ERP27: variants seen among roughly 807,000 people sequenced by gnomAD.
ERP27 encodes the protein endoplasmic reticulum resident protein 27.
In ERP27, 23 loss-of-function variants were observed where a neutral mutation model predicts 27.7. That is an observed-to-expected ratio of 0.83 (90% confidence interval 0.60 to 1.18). ERP27 has a LOEUF of 1.18. Among genes scored for constraint, ERP27 ranks in the 50% most tolerant of loss-of-function variants. The pLI is 0.00. For missense variants in ERP27, 363 were observed against 327.9 expected, an observed-to-expected ratio of 1.11 and a Z score of -0.83; for synonymous variants, 159 against 118.3, an observed-to-expected ratio of 1.34 and a Z score of -2.23.
intron 3 of ERP27, chr12:14,929,244 T>A: frequency 1.2e-6 from 1 of 813,722 alleles, no homozygotes; most frequent in Non-Finnish European, 1.7e-6. Flanking sequence ...AAGAATGCAC[T>A]AAATTGGAGG....
At chr12:14,928,696 G>A (rs930665987) in intron 3 of ERP27, among the ~76,000 whole-genome samples, 11 of 152,134 alleles carry the variant, frequency 7.2e-5, no homozygotes, top group African/African-American at 2.7e-4. Context: ...CAAAACCACA[G>A]GGTAAAAATG....
rs1565455262 is a variant in ERP27 at position 14,938,047 on chromosome 12, G to A, written c.100C>T (p.Pro34Ser). The A allele has an allele frequency of 1.2e-6, 2 of 1,613,582 alleles. No homozygotes were observed. Among genetic ancestry groups the A allele is most frequent in the African/African-American group, 2.7e-5 (2 of 74,908 alleles). ...CACGTGGGTTCCTGGGCAGCACCAG[G>A]ACCATCTAGAGAGAGAAGCAGAAGA... ...AAEVEKSSDG[P>S]GAAQEPTWLT... The change falls in exon 2 of 7, where the codon CCT (proline) becomes TCT (serine). Residue 34 changes from proline (P) to serine (S), a missense_variant. By Grantham distance (74) the Pro-to-Ser change is moderately conservative. Transcript: ENST00000266397.
intron 6 of ERP27, 75 bp downstream of exon 6, chr12:14,915,414 A>G: frequency 6.6e-7 from 1 of 1,523,468 alleles, no homozygotes; most frequent in Non-Finnish European, 9.0e-7. Flanking sequence ...CTGAGCCCAA[A>G]GAATTCTTAT....
chr12:14,929,482 TG>T (rs1381295163), intron 3 of ERP27, among the ~76,000 whole-genome samples: 1 of 152,216 alleles, frequency 6.6e-6, no homozygotes, highest in African/African-American at 2.4e-5. Context: ...CATAATGCAC[TG>T]GAAAGAAAAT....
intron 3 of ERP27, among the ~76,000 whole-genome samples, chr12:14,934,341 A>G (rs532900214): frequency 2.0e-5 from 3 of 152,232 alleles, no homozygotes; most frequent in East Asian, 3.9e-4. Flanking sequence ...TATTATAGAT[A>G]CTTGCATATT....
chr12:14,933,435 T>C (rs952535957), intron 3 of ERP27, among the ~76,000 whole-genome samples: 1 of 152,038 alleles, frequency 6.6e-6, no homozygotes, highest in Non-Finnish European at 1.5e-5. Flanking sequence ...GTTCATTGAG[T>C]TTGGCAATAT....
intron 3 of ERP27, chr12:14,929,203 A>G: frequency 8.0e-7 from 1 of 1,246,948 alleles, no homozygotes; most frequent in Non-Finnish European, 1.0e-6. Context: ...AGAACAAGAA[A>G]AGCCAGTTAC....
chr12:14,916,796 C>A (rs920663530), intron 5 of ERP27, among the ~76,000 whole-genome samples: 1 of 152,040 alleles, frequency 6.6e-6, no homozygotes, highest in Non-Finnish European at 1.5e-5. Context: ...GAGCAGGCAC[C>A]AGGTACTTGA....
rs1361406846 is a variant in ERP27 at position 14,937,727 on chromosome 12, C to T, written c.195+225G>A. ...TCCATAGATGAGGAGATGCAGCCCA[C>T]AGGCTCAGAACTCTTGAAGTAAGTA... On this transcript the variant is annotated intron_variant, in intron 2 of 6. Coordinates refer to ENST00000266397, the MANE Select transcript of ERP27 (RefSeq NM_152321.4). Among the ~76,000 whole-genome samples, 5 of 152,350 alleles carry T rather than the reference C, an allele frequency of 3.3e-5. No individual in the cohort carries two copies. In the East Asian group the frequency reaches 7.7e-4, roughly 23 times the overall value.
At chr12:14,937,852 C>A in intron 2 of ERP27, 100 bp downstream of exon 2, 1 of 942,908 alleles carries the variant, frequency 1.1e-6, no homozygotes, top group Non-Finnish European at 1.7e-6. Flanking sequence ...TTTACCCCCA[C>A]TTCTAATGCA....
At chr12:14,932,951 G>T (rs1433224435) in intron 3 of ERP27, among the ~76,000 whole-genome samples, 1 of 152,182 alleles carries the variant, frequency 6.6e-6, no homozygotes, top group Admixed American at 6.5e-5. Flanking sequence ...GCTTATGAGG[G>T]TATATACCCA....
chr12:14,938,032 C>G lies in ERP27; in HGVS notation c.115G>C (p.Glu39Gln), dbSNP rs1166688365. The change falls in exon 2 of 7, where the codon GAA (glutamate) becomes CAA (glutamine). Residue 39 changes from glutamate to glutamine, a missense_variant. By Grantham distance (29) the Glu-to-Gln change is conservative. Transcript: ENST00000266397. ...GGGACATCTGTGAGCCACGTGGGTTCCTGGGCAGCACCAGGACCATCTAGA... is the reference window on the plus strand; with the variant it reads ...GGGACATCTGTGAGCCACGTGGGTTGCTGGGCAGCACCAGGACCATCTAGA... ...KSSDGPGAAQEPTWLTDVPAA... is the reference protein window; with the variant it reads ...KSSDGPGAAQQPTWLTDVPAA... 1.9e-6 allele frequency: 3 copies of G among 1,613,960 alleles called. No individual in the cohort carries two copies. Among genetic ancestry groups the G allele is most frequent in the Non-Finnish European group, 2.5e-6 (3 of 1,180,002 alleles).
chr12:14,927,833 A>G (rs1863629873), intron 3 of ERP27, among the ~76,000 whole-genome samples: 1 of 152,092 alleles, frequency 6.6e-6, no homozygotes, highest in South Asian at 2.1e-4. Flanking sequence ...CTTTGGTGGA[A>G]AGGATTGTCT....
At chr12:14,920,657 C>G (rs775247160) in intron 4 of ERP27, among the ~76,000 whole-genome samples, 4 of 152,184 alleles carry the variant, frequency 2.6e-5, no homozygotes, top group African/African-American at 9.7e-5. Context: ...CATTTGTGAG[C>G]CACTGCACCT....
chr12:14,933,707 T>C (rs567753498), intron 3 of ERP27, among the ~76,000 whole-genome samples: 1 of 152,220 alleles, frequency 6.6e-6, no homozygotes, highest in African/African-American at 2.4e-5. Context: ...CAATGACCAA[T>C]GAAAGCATCA....
intron 3 of ERP27, among the ~76,000 whole-genome samples, chr12:14,924,880 C>T (rs1330113067): frequency 6.6e-6 from 1 of 152,198 alleles, no homozygotes; most frequent in Admixed American, 6.5e-5. Flanking sequence ...GGCCAAAACC[C>T]ACCAAAATCA....
chr12:14,925,897 A>G (rs1432815858), intron 3 of ERP27, among the ~76,000 whole-genome samples: 1 of 152,018 alleles, frequency 6.6e-6, no homozygotes, highest in African/African-American at 2.4e-5. Flanking sequence ...ATGAAAGCCC[A>G]TCTCTACTGA....
intron 2 of ERP27, among the ~76,000 whole-genome samples, chr12:14,936,047 G>A (rs1219599689): frequency 2.6e-5 from 4 of 151,996 alleles, no homozygotes; most frequent in Admixed American, 6.6e-5. Flanking sequence ...ATGCTAGTCC[G>A]CTGTCTTCTT....
At chr12:14,933,517 A>T (rs1309105449) in intron 3 of ERP27, among the ~76,000 whole-genome samples, 1 of 152,206 alleles carries the variant, frequency 6.6e-6, no homozygotes. Flanking sequence ...AGTAGTGTCT[A>T]GTTTAGAGAA....
Sources: gnomAD v4.1 joint callset for allele counts (sites outside exome capture counted in the v4.1 genomes callset) on GRCh38, gnomAD v4.1.1 for gene constraint, MANE v1.5 for transcripts, NCBI Gene and HGNC (gene_info 2026-07-23, HGNC 2026-07-21) for gene names.